SNX31: variants seen among roughly 807,000 people sequenced by gnomAD.
The protein encoded by SNX31 is sorting nexin 31, also known as sorting nexin-31.
In SNX31, 58 loss-of-function variants were observed where a neutral mutation model predicts 65.4. The observed-to-expected ratio is 0.89, with a 90% CI of 0.72 to 1.10. The LOEUF is 1.10. Ranked by LOEUF, SNX31 falls within the 50% of genes least tolerant of loss-of-function variation. The probability of loss-of-function intolerance (pLI) is 0.00; values close to 1 mark genes in which losing one functional copy is unlikely to be tolerated. For missense variants in SNX31, 523 were observed against 529.7 expected (o/e 0.99, Z 0.12); for synonymous variants, 181 against 190.1 (o/e 0.95, Z 0.39).
At chr8:100,616,241 A>C (rs972005061) in intron 5 of SNX31, among the ~76,000 whole-genome samples, 2 of 152,150 alleles carry the variant, frequency 1.3e-5, no homozygotes, top group Non-Finnish European at 2.9e-5. Context: ...GGAGACCCCA[A>C]ACTATCACCA....
chr8:100,591,669 C>CA (rs1171491457), intron 10 of SNX31, among the ~76,000 whole-genome samples: 1 of 151,570 alleles, frequency 6.6e-6, no homozygotes, highest in Non-Finnish European at 1.5e-5. Flanking sequence ...CCTGTTTCTA[C>CA]AAAAAATGAA....
At chr8:100,581,506 A>G (rs1813553276) in intron 12 of SNX31, among the ~76,000 whole-genome samples, 1 of 152,044 alleles carries the variant, frequency 6.6e-6, no homozygotes, top group Non-Finnish European at 1.5e-5. Flanking sequence ...AAGCTAATTA[A>G]GTTAACAATA....
At chr8:100,662,774 C>T (rs1329189973) in intron 1 of SNX31, among the ~76,000 whole-genome samples, 2 of 152,188 alleles carry the variant, frequency 1.3e-5, no homozygotes, top group African/African-American at 4.8e-5. Context: ...GTCCCCTCTA[C>T]AATATCAATT....
At chr8:100,600,572 T>G in intron 8 of SNX31, 131 bp from the exon 9 acceptor site, 2 of 634,076 alleles carry the variant, frequency 3.2e-6, no homozygotes, top group Non-Finnish European at 5.2e-6. Context: ...TAGCATATTA[T>G]AAGTCTTATT....
intron 9 of SNX31, among the ~76,000 whole-genome samples, chr8:100,599,327 T>C (rs774165846): frequency 9.2e-5 from 14 of 152,346 alleles, no homozygotes; most frequent in East Asian, 1.9e-4. Context: ...GGCAGATATG[T>C]GTGAAGACTT....
At position 100,610,321 on chromosome 8, in the gene SNX31, T is replaced by C. The variant is rs1816593979; in HGVS notation, c.611+1679A>G. ...TCATCTCTCCTTTGATCTCAGGTTT[T>C]ATGAAGCGCACATGAGTGAAAATCT... On this transcript the variant is annotated intron_variant, in intron 7 of 13. Coordinates refer to ENST00000311812, the MANE Select transcript of SNX31 (RefSeq NM_152628.4). The surrounding 1 kb of genome is among the most constrained non-coding windows in gnomAD (Gnocchi z 4.0). 6.6e-6 allele frequency among the ~76,000 whole-genome samples: 1 copy of C among 151,852 alleles called. No individual in the cohort carries two copies. Among genetic ancestry groups the C allele is most frequent in the Admixed American group, 6.6e-5 (1 of 15,176 alleles).
At chr8:100,615,545 T>G (rs1435038120) in intron 5 of SNX31, among the ~76,000 whole-genome samples, 1 of 152,208 alleles carries the variant, frequency 6.6e-6, no homozygotes, top group Admixed American at 6.5e-5. Context: ...AAATGCATCG[T>G]TAGGCGATTT....
intron 1 of SNX31, among the ~76,000 whole-genome samples, chr8:100,657,138 TAATC>T (rs1281658200): frequency 6.6e-6 from 1 of 151,876 alleles, no homozygotes; most frequent in Non-Finnish European, 1.5e-5. Flanking sequence ...AGACTTGAAT[TAATC>T]AGGCATGGGA....
Position 100,648,836 on chromosome 8 carries a change from A to C in SNX31, c.141+438T>G, listed in dbSNP as rs1819827293. Among the ~76,000 whole-genome samples the C allele has an allele frequency of 6.6e-6, 1 of 152,232 alleles. No homozygotes were observed. Among genetic ancestry groups the C allele is most frequent in the African/African-American group, 2.4e-5 (1 of 41,456 alleles). On this transcript the variant is annotated intron_variant, in intron 2 of 13. Transcript: ENST00000311812. This position sits in a 1 kb window ranked among gnomAD's most constrained non-coding sequence, Gnocchi z 4.3. ...AGGGGGCAAACTTAAGAAACTCTCG[A>C]GACAAAGGAGATTAAATACCCATGT...
chr8:100,648,697 C>T lies in SNX31; in HGVS notation c.141+577G>A, dbSNP rs1345298140. Among the ~76,000 whole-genome samples, 3 of 152,164 alleles carry T rather than the reference C, an allele frequency of 2.0e-5. No homozygotes were observed. The highest frequency in any genetic ancestry group is 1.5e-5 in the Non-Finnish European group (1 of 68,030). ...CCTCCCAGAGAAAATACTGTCAAGACAGCAGGGTGAGAAACTATCCTAGCT... is the reference window on the plus strand; with the variant it reads ...CCTCCCAGAGAAAATACTGTCAAGATAGCAGGGTGAGAAACTATCCTAGCT... On this transcript the variant is annotated intron_variant, in intron 2 of 13. Coordinates refer to ENST00000311812, the MANE Select transcript of SNX31 (RefSeq NM_152628.4). This position sits in a 1 kb window ranked among gnomAD's most constrained non-coding sequence, Gnocchi z 4.3.
In SNX31 at chr8:100,614,277, A is replaced by G. The variant is rs1816979964; in HGVS notation, c.433-1192T>C. 6.6e-6 allele frequency among the ~76,000 whole-genome samples: 1 copy of G among 152,200 alleles called. No homozygotes were observed. Among genetic ancestry groups the G allele is most frequent in the Admixed American group, 6.5e-5 (1 of 15,278 alleles). ...ACAGCATAGTAAAGACATCTTTCCC[A>G]GAGTAAACCTGACCCAGGTCCACTC... On this transcript the variant is annotated intron_variant, in intron 5 of 13. Coordinates refer to ENST00000311812, the MANE Select transcript of SNX31 (RefSeq NM_152628.4). This position sits in a 1 kb window ranked among gnomAD's most constrained non-coding sequence, Gnocchi z 5.1.
At chr8:100,621,854 G>A (rs1041626026) in intron 4 of SNX31, among the ~76,000 whole-genome samples, 2 of 152,116 alleles carry the variant, frequency 1.3e-5, no homozygotes, top group Admixed American at 6.6e-5. Flanking sequence ...TCCAGGTTTC[G>A]ATGCTCAGTG....
At chr8:100,624,983 TA>T (rs1006215557) in intron 4 of SNX31, among the ~76,000 whole-genome samples, 1 of 151,604 alleles carries the variant, frequency 6.6e-6, no homozygotes, top group Non-Finnish European at 1.5e-5. Context: ...CTCTTATTAT[TA>T]TTTTTTTGTA....
At chr8:100,601,078 A>G (rs1222251274) in intron 8 of SNX31, among the ~76,000 whole-genome samples, 2 of 152,254 alleles carry the variant, frequency 1.3e-5, no homozygotes, top group Non-Finnish European at 2.9e-5. Context: ...TGGAAAAAAT[A>G]TATTGATAAG....
rs562187399 is a variant in SNX31 at position 100,580,048 on chromosome 8, G to C, written c.1171-2973C>G. 5.9e-5 allele frequency among the ~76,000 whole-genome samples: 9 copies of C among 151,654 alleles called. No individual in the cohort carries two copies. The South Asian group carries it at 1.9e-3, about 32-fold the overall frequency. On this transcript the variant is annotated intron_variant, in intron 12 of 13. Transcript: ENST00000311812. ...TGGTGGTGTGTGCCTATAGTACCAGGTACTTAGGAGACTGCAGTGGGGATG... is the reference window on the plus strand; with the variant it reads ...TGGTGGTGTGTGCCTATAGTACCAGCTACTTAGGAGACTGCAGTGGGGATG...
intron 4 of SNX31, chr8:100,618,761 C>A: frequency 5.3e-6 from 1 of 190,368 alleles, no homozygotes; most frequent in Non-Finnish European, 1.1e-5. Flanking sequence ...ATGCACAGAG[C>A]AAGGTGTGGG....
chr8:100,633,364 C>T (rs755666947), intron 3 of SNX31, among the ~76,000 whole-genome samples: 4 of 152,088 alleles, frequency 2.6e-5, no homozygotes, highest in Non-Finnish European at 5.9e-5. Context: ...TTCTATAAGA[C>T]AGTCTCTGTG....
intron 2 of SNX31, among the ~76,000 whole-genome samples, chr8:100,641,568 ATATATAT>A (rs1563580559): frequency 2.0e-3 from 64 of 32,716 alleles, no homozygotes; most frequent in East Asian, 2.7e-3. Flanking sequence ...AAAAAAAAAT[ATATATAT>A]ATATATATAT....
At chr8:100,603,581 A>C (rs867918457) in intron 8 of SNX31, among the ~76,000 whole-genome samples, 3 of 151,748 alleles carry the variant, frequency 2.0e-5, no homozygotes, top group Non-Finnish European at 2.9e-5. Context: ...GATTACAGGC[A>C]TGCGTCACCA....
Sources: allele counts gnomAD v4.1 joint callset (sites outside exome capture counted in the v4.1 genomes callset), GRCh38; gene constraint gnomAD v4.1.1; non-coding constraint Gnocchi (gnomAD v3.1); transcripts MANE v1.5; gene names NCBI Gene and HGNC (gene_info 2026-07-23, HGNC 2026-07-21).